ATOSA: variants seen among roughly 807,000 people sequenced by gnomAD.
ATOSA encodes the protein atos homolog A, also known as atos homolog protein A.
At chr15:52,677,892 C>T in the ATOSA span, 4 of 1,381,896 alleles carry the variant, frequency 2.9e-6, no homozygotes, top group Non-Finnish European at 4.1e-6. Flanking sequence ...AACAGATAAT[C>T]ACATATGATA....
At chr15:52,587,379 CT>C in the ATOSA span, 5 of 587,454 alleles carry the variant, frequency 8.5e-6, no homozygotes, top group East Asian at 1.3e-4. Flanking sequence ...GTTTCTACCC[CT>C]AAGGAAACAT....
chr15:52,611,693 G>A, the ATOSA span: 1 of 1,613,854 alleles, frequency 6.2e-7, no homozygotes, highest in Non-Finnish European at 8.5e-7. Flanking sequence ...CAGCAGTCTG[G>A]TAGTAGCATC....
the ATOSA span, among the ~76,000 whole-genome samples, chr15:52,600,432 CAAGCCAA>C: frequency 6.6e-6 from 1 of 151,894 alleles, no homozygotes; most frequent in Admixed American, 6.6e-5. Context: ...TGTGAGTCAC[CAAGCCAA>C]GGCACAATAT....
the ATOSA span, among the ~76,000 whole-genome samples, chr15:52,632,092 T>C: frequency 6.6e-6 from 1 of 152,170 alleles, no homozygotes; most frequent in Non-Finnish European, 1.5e-5. Flanking sequence ...TCCTTCATTA[T>C]AGGAAGGTAG....
At chr15:52,661,931 CAAAAAAA>C in the ATOSA span, among the ~76,000 whole-genome samples, 2 of 73,258 alleles carry the variant, frequency 2.7e-5, no homozygotes, top group African/African-American at 1.2e-4. Context: ...CAAGCCAGGC[CAAAAAAA>C]AAAAAAAAAA....
At chr15:52,679,405 CCAA>C in the ATOSA span, 1 of 152,508 alleles carries the variant, frequency 6.6e-6, no homozygotes, top group Admixed American at 6.5e-5. Flanking sequence ...GTCACGTGTC[CCAA>C]CAACAGCCAA....
At chr15:52,677,752 TCTTTA>T in the ATOSA span, among the ~76,000 whole-genome samples, 1 of 152,204 alleles carries the variant, frequency 6.6e-6, no homozygotes, top group African/African-American at 2.4e-5. Context: ...CAAATACCAT[TCTTTA>T]CTTTCATTTT....
At chr15:52,584,635 A>C in the ATOSA span, 13 of 922,122 alleles carry the variant, frequency 1.4e-5, no homozygotes, top group Non-Finnish European at 1.9e-5. Flanking sequence ...TCCCAAGCTA[A>C]GCAAAGTCCC....
chr15:52,694,428 G>A, the ATOSA span, among the ~76,000 whole-genome samples: 2 of 152,056 alleles, frequency 1.3e-5, no homozygotes, highest in African/African-American at 4.8e-5. Context: ...GGCCTCCAAA[G>A]TGCTGGGATT....
chr15:52,639,397 C>A, the ATOSA span, among the ~76,000 whole-genome samples: 244 of 152,248 alleles, frequency 1.6e-3, no homozygotes, highest in Non-Finnish European at 2.6e-3. Flanking sequence ...GAACAAAATT[C>A]CCCTGGACTA....
chr15:52,590,163 A>G, the ATOSA span, among the ~76,000 whole-genome samples: 1 of 152,194 alleles, frequency 6.6e-6, no homozygotes, highest in African/African-American at 2.4e-5. Context: ...AATTGCTCAG[A>G]TTATTATGGA....
At chr15:52,634,566 C>T in the ATOSA span, among the ~76,000 whole-genome samples, 1 of 149,550 alleles carries the variant, frequency 6.7e-6, no homozygotes, top group African/African-American at 2.5e-5. Context: ...AAGCAAGACA[C>T]AACTATATAT....
chr15:52,650,485 G>T, the ATOSA span, among the ~76,000 whole-genome samples: 1 of 151,880 alleles, frequency 6.6e-6, no homozygotes, highest in South Asian at 2.1e-4. Context: ...CCAATTATTA[G>T]ACATCTTTTT....
chr15:52,697,749 C>T, the ATOSA span, among the ~76,000 whole-genome samples: 2 of 151,316 alleles, frequency 1.3e-5, no homozygotes, highest in African/African-American at 4.9e-5. Context: ...AAAAGACAAC[C>T]AGCCCAATAA....
chr15:52,610,009 G>C, the ATOSA span: 3 of 1,613,706 alleles, frequency 1.9e-6, no homozygotes, highest in East Asian at 2.2e-5. Flanking sequence ...GCCAGTGCCT[G>C]GATATAGTTT....
the ATOSA span, among the ~76,000 whole-genome samples, chr15:52,605,813 C>T: frequency 6.6e-6 from 1 of 151,878 alleles, no homozygotes; most frequent in African/African-American, 2.4e-5. Flanking sequence ...TATGGTAGTC[C>T]CCTCTTATTC....
chr15:52,703,790 A>G, the ATOSA span, among the ~76,000 whole-genome samples: 1 of 152,164 alleles, frequency 6.6e-6, no homozygotes, highest in Non-Finnish European at 1.5e-5. Context: ...ATGTATAACT[A>G]TGTAACAAAC....
the ATOSA span, among the ~76,000 whole-genome samples, chr15:52,661,931 C>CAAAAAAA: frequency 2.2e-4 from 16 of 73,148 alleles, no homozygotes; most frequent in South Asian, 7.1e-4. Context: ...CAAGCCAGGC[C>CAAAAAAA]AAAAAAAAAA....
chr15:52,583,349 T>C, the ATOSA span, among the ~76,000 whole-genome samples: 1 of 152,180 alleles, frequency 6.6e-6, no homozygotes, highest in Non-Finnish European at 1.5e-5. Flanking sequence ...AATCTTTTTC[T>C]AGTTTGGTAG....
Sources: gnomAD v4.1 joint callset for allele counts (sites outside exome capture counted in the v4.1 genomes callset) on GRCh38, gnomAD v4.1.1 for gene constraint, MANE v1.5 for transcripts, NCBI Gene and HGNC (gene_info 2026-07-23, HGNC 2026-07-21) for gene names.